PTGES3L: variants seen among roughly 807,000 people sequenced by gnomAD.
The protein encoded by PTGES3L is prostaglandin E synthase 3 like, also known as putative protein PTGES3L.
In PTGES3L, 17 loss-of-function variants were observed where a neutral mutation model predicts 25.0. The ratio of observed to expected loss-of-function variants is 0.68; its 90% CI spans 0.47 to 1.02. The LOEUF (loss-of-function observed/expected upper bound fraction) is 1.02, where lower values mean the gene tolerates loss of function less well. PTGES3L is among the 50% of genes least tolerant of loss of function. The pLI is 0.00. For synonymous variants in PTGES3L, 59 were observed against 65.7 expected, an observed-to-expected ratio of 0.90 and a Z score of 0.50; for missense variants, 202 against 197.5, an observed-to-expected ratio of 1.02 and a Z score of -0.14.
chr17:42,972,243 G>C (rs2049854440), intron 4 of PTGES3L: 1 of 153,934 alleles, frequency 6.5e-6, no homozygotes, highest in African/African-American at 2.4e-5. Context: ...GATTGACTGA[G>C]GAGACAACAC....
intron 6 of PTGES3L, among the ~76,000 whole-genome samples, chr17:42,969,864 C>T (rs1006750594): frequency 6.6e-5 from 10 of 151,928 alleles, no homozygotes; most frequent in South Asian, 2.1e-4. Context: ...TGGTGGCTCA[C>T]GCCTGTAATC....
chr17:42,973,894 A>G (rs1005005054), intron 4 of PTGES3L, among the ~76,000 whole-genome samples: 50 of 139,688 alleles, frequency 3.6e-4, no homozygotes, highest in African/African-American at 1.3e-3. Context: ...AAAACCAGAG[A>G]CCTTTGTTCA....
At position 42,979,202 on chromosome 17, in the gene PTGES3L, C is replaced by A; in HGVS notation, c.256G>T (p.Ala86Ser). 1 of 1,614,078 alleles carries A rather than the reference C, an allele frequency of 6.2e-7. No homozygotes were observed. Among genetic ancestry groups the A allele is most frequent in the Non-Finnish European group, 8.5e-7 (1 of 1,180,016 alleles). The change falls in exon 4 of 7, where the codon GCC (alanine) becomes TCC (serine). Residue 86 changes from alanine (A) to serine (S), a missense_variant. Ala to Ser is a moderately conservative substitution (Grantham distance 99, BLOSUM62 1). Transcript: ENST00000591916. ...TCCTCCTTGGTAAGCCGCGGCCAGG[C>A]CACCTTTTCCTTCCATTTTCTCACA... ...CFVRKWKEKV[A>S]WPRLTKEDIK... is the part of the protein sequence containing the mutation.
chr17:42,979,059 T>C, intron 4 of PTGES3L, 111 bp downstream of exon 4: 1 of 1,073,812 alleles, frequency 9.3e-7, no homozygotes. Flanking sequence ...AAAAAAAGAT[T>C]AGGCAGGACT....
intron 4 of PTGES3L, among the ~76,000 whole-genome samples, chr17:42,973,303 C>T (rs1331516839): frequency 2.6e-3 from 352 of 135,328 alleles, no homozygotes; most frequent in African/African-American, 8.9e-3. Flanking sequence ...CGCCTCTGCC[C>T]GGCGGCCCCT....
intron 4 of PTGES3L, among the ~76,000 whole-genome samples, chr17:42,978,529 C>T (rs2050004659): frequency 6.6e-6 from 1 of 152,104 alleles, no homozygotes; most frequent in South Asian, 2.1e-4. Flanking sequence ...TCACCTACAA[C>T]GAAAGTAAGT....
intron 1 of PTGES3L, 42 bp from the exon 2 acceptor site, chr17:42,979,705 G>A: frequency 1.3e-6 from 2 of 1,597,980 alleles, no homozygotes; most frequent in Non-Finnish European, 1.7e-6. Context: ...GGTGGGAGAG[G>A]GAAGACTGAG....
intron 4 of PTGES3L, among the ~76,000 whole-genome samples, chr17:42,976,148 C>CA (rs1446308104): frequency 1.3e-5 from 2 of 150,822 alleles, no homozygotes; most frequent in Non-Finnish European, 3.0e-5. Context: ...ACGCCCAGCT[C>CA]ATTTTTTGTA....
intron 5 of PTGES3L, among the ~76,000 whole-genome samples, chr17:42,970,676 G>GCACACACACACACACACA (rs57542042): frequency 2.2e-4 from 32 of 144,092 alleles, no homozygotes; most frequent in African/African-American, 7.9e-4. Flanking sequence ...CTTAACACGC[G>GCACACACACACACACACA]CACACACACA....
At chr17:42,971,250 C>T (rs1172974224) in intron 5 of PTGES3L, among the ~76,000 whole-genome samples, 2 of 150,622 alleles carry the variant, frequency 1.3e-5, no homozygotes, top group African/African-American at 2.4e-5. Context: ...GAGCTGAGAT[C>T]GCGCCATTGC....
At chr17:42,969,945 G>C (rs2049802532) in intron 6 of PTGES3L, among the ~76,000 whole-genome samples, 1 of 151,790 alleles carries the variant, frequency 6.6e-6, no homozygotes, top group Non-Finnish European at 1.5e-5. Context: ...TGGCTAACAT[G>C]GCAAAACCCT....
chr17:42,974,361 GAAAAA>G (rs552661431), intron 4 of PTGES3L, among the ~76,000 whole-genome samples: 1 of 101,186 alleles, frequency 9.9e-6, no homozygotes, highest in Non-Finnish European at 2.0e-5. Flanking sequence ...ACTCTGTCTC[GAAAAA>G]AAAAAAAAAA....
Position 42,971,706 on chromosome 17 carries a change from G to A in PTGES3L, c.289-10C>T. ...CAGACAGCCACACTGGCTGCAAGAA[G>A]AGGCACCAAGAGTCACAGGCCAGGA... On this transcript the variant is annotated splice_polypyrimidine_tract_variant and intron_variant, in intron 4 of 6. Transcript: ENST00000591916. 6.2e-7 allele frequency: 1 copy of A among 1,613,866 alleles called. No individual in the cohort carries two copies. The highest frequency in any genetic ancestry group is 8.5e-7 in the Non-Finnish European group (1 of 1,179,888).
chr17:42,977,134 T>G (rs537888133), intron 4 of PTGES3L, among the ~76,000 whole-genome samples: 12 of 151,506 alleles, frequency 7.9e-5, no homozygotes, highest in Admixed American at 7.2e-4. Context: ...CTACTAAAAA[T>G]ACAAAAAATT....
intron 6 of PTGES3L, among the ~76,000 whole-genome samples, chr17:42,969,802 G>A (rs1481412982): frequency 6.6e-6 from 1 of 152,086 alleles, no homozygotes. Context: ...GGAGGGTCTT[G>A]CTAGGGTTTT....
intron 4 of PTGES3L, among the ~76,000 whole-genome samples, chr17:42,973,796 CATGCTCGTTA>C (rs1169608267): frequency 8.1e-5 from 12 of 148,192 alleles, no homozygotes; most frequent in African/African-American, 2.7e-4. Flanking sequence ...TTGAAGGCAG[CATGCTCGTTA>C]AGAGTCATCA....
intron 4 of PTGES3L, among the ~76,000 whole-genome samples, chr17:42,975,236 G>C (rs1489630881): frequency 6.6e-6 from 1 of 151,352 alleles, no homozygotes; most frequent in Non-Finnish European, 1.5e-5. Context: ...AGTGTGAAAA[G>C]TGTGGTGGTG....
chr17:42,970,678 AC>A (rs2049819292), intron 5 of PTGES3L, among the ~76,000 whole-genome samples: 1 of 29,346 alleles, frequency 3.4e-5, no homozygotes, highest in Non-Finnish European at 1.2e-4. Context: ...TAACACGCGC[AC>A]ACACACACAC....
intron 4 of PTGES3L, among the ~76,000 whole-genome samples, chr17:42,973,175 C>T (rs1448148970): frequency 3.6e-4 from 54 of 149,832 alleles, no homozygotes; most frequent in African/African-American, 1.3e-3. Context: ...GCAGCCACCC[C>T]ATCCGGGAGG....
Sources: allele counts gnomAD v4.1 joint callset (sites outside exome capture counted in the v4.1 genomes callset), GRCh38; gene constraint gnomAD v4.1.1; transcripts MANE v1.5; gene names NCBI Gene and HGNC (gene_info 2026-07-23, HGNC 2026-07-21).